TMEM200B: variants seen among roughly 807,000 people sequenced by gnomAD.
The protein encoded by TMEM200B is transmembrane protein TTMA.
Under a neutral mutation model 17.6 loss-of-function variants are expected in TMEM200B, and 12 were observed. The ratio of observed to expected loss-of-function variants is 0.68; its 90% CI spans 0.44 to 1.11. TMEM200B has a LOEUF of 1.11. TMEM200B is among the 50% of genes least tolerant of loss of function. TMEM200B has a pLI of 0.00. For synonymous variants in TMEM200B, 234 were observed against 209.2 expected, an observed-to-expected ratio of 1.12 and a Z score of -1.02; for missense variants, 456 against 447.6, an observed-to-expected ratio of 1.02 and a Z score of -0.17.
In TMEM200B at chr1:29,121,369, C is replaced by A. The variant is rs752060127; in HGVS notation, c.460G>T (p.Ala154Ser). The A allele has an allele frequency of 3.9e-6, 6 of 1,552,048 alleles. No individual in the cohort carries two copies. The Admixed American group carries it at 1.2e-4, about 30-fold the overall frequency. The change falls in exon 2 of 2, where the codon GCC becomes TCC. Residue 154 changes from alanine (A) to serine (S), a missense_variant. Transcript: ENST00000521452. The surrounding 1 kb of genome is among the most constrained non-coding windows in gnomAD (Gnocchi z 5.6). ...CCGTCGGGGGGCCGGAGCGCCTGGG[C>A]CCGCAGCACCCCCTGGCGGAGCCGT... is the stretch of plus-strand genomic sequence containing the variant. ...TRRLRQGVLR[A>S]QALRPPDGPG...
Position 29,121,336 on chromosome 1 carries a change from A to G in TMEM200B, c.493T>C (p.Trp165Arg). 4 of 1,576,392 alleles carry G rather than the reference A, an allele frequency of 2.5e-6. No homozygotes were observed. The highest frequency in any genetic ancestry group is 3.4e-6 in the Non-Finnish European group (4 of 1,162,798). The change falls in exon 2 of 2, where the codon TGG becomes CGG. Residue 165 changes from tryptophan to arginine, a missense_variant. By Grantham distance (101) the Trp-to-Arg change is moderately radical. Transcript: ENST00000521452. This position sits in a 1 kb window ranked among gnomAD's most constrained non-coding sequence, Gnocchi z 5.6. ...GGGCTGGGAAGGAGGGCGCAGTCCCAGCCCGGGCCGTCGGGGGGCCGGAGC... is the reference window on the plus strand; with the variant it reads ...GGGCTGGGAAGGAGGGCGCAGTCCCGGCCCGGGCCGTCGGGGGGCCGGAGC... ...QALRPPDGPG[W>R]DCALLPSPGP... is the part of the protein sequence containing the mutation.
chr1:29,121,517 C>T lies in TMEM200B; in HGVS notation c.312G>A (p.Gly104=). The change falls in exon 2 of 2, where the codon GGG becomes GGA. Residue 104 remains glycine, a synonymous_variant. Transcript: ENST00000521452. This position sits in a 1 kb window ranked among gnomAD's most constrained non-coding sequence, Gnocchi z 5.6. ...GCTCGTGCGGGCCGTGAGCCCGGCC[C>T]CCGCCGCGACCCTCGCGTCGCAGCT... The part of the protein sequence containing the change: ...MSELRREGRG[G]GRAHGPHERL... The T allele has an allele frequency of 6.6e-7, 1 of 1,505,770 alleles. No individual in the cohort carries two copies. The highest frequency in any genetic ancestry group is 8.8e-7 in the Non-Finnish European group (1 of 1,134,294). 93.3% of individuals were successfully genotyped at this position (1,505,770 alleles called of 1,614,324 possible). A position where few individuals can be genotyped will look rare whatever the true frequency, so the allele number is the denominator to read the frequency against.
intron 1 of TMEM200B, chr1:29,122,220 G>A (rs958852768): frequency 6.5e-6 from 1 of 153,214 alleles, no homozygotes; most frequent in African/African-American, 2.4e-5. Context: ...CAGCTGCCGC[G>A]TCTCCAGGGT....
rs1427575814 is a variant in TMEM200B, at chr1:29,121,356, C to T, written c.473G>A (p.Arg158Gln). The stretch of plus-strand genomic sequence containing the variant: ...GTCCCAGCCCGGGCCGTCGGGGGGC[C>T]GGAGCGCCTGGGCCCGCAGCACCCC... ...RQGVLRAQAL[R>Q]PPDGPGWDCA... The change falls in exon 2 of 2, where the codon CGG (arginine) becomes CAG (glutamine). Residue 158 changes from arginine to glutamine, a missense_variant. Transcript: ENST00000521452. The surrounding 1 kb of genome is among the most constrained non-coding windows in gnomAD (Gnocchi z 5.6). 2 of 1,559,118 alleles carry T rather than the reference C, an allele frequency of 1.3e-6. No individual in the cohort carries two copies. Among genetic ancestry groups the T allele is most frequent in the African/African-American group, 2.7e-5 (2 of 73,826 alleles).
At chr1:29,123,737 G>C (rs924859905) in intron 1 of TMEM200B, 119 bp downstream of exon 1, 1 of 149,914 alleles carries the variant, frequency 6.7e-6, no homozygotes, top group Non-Finnish European at 1.5e-5. Flanking sequence ...CTGGGGGAAC[G>C]GGAGGGCCGC....
chr1:29,120,936 C>T lies in TMEM200B; in HGVS notation c.893G>A (p.Gly298Glu), dbSNP rs1671737089. Residue 298 changes from glycine (G) to glutamate (E), a missense_variant, in exon 2 of 2, where the codon GGA (glycine) becomes GAA (glutamate). Physicochemically the swap from Gly to Glu is moderately conservative, Grantham distance 98. Coordinates refer to ENST00000521452, the MANE Select transcript of TMEM200B (RefSeq NM_001003682.4). ...RLSLGGYAKL[G>E]GGGDLGARV ...CCGGGCCCCCAAGTCCCCTCCTCCT[C>T]CCAATTTGGCATAGCCCCCAAGACT... 6.2e-7 allele frequency: 1 copy of T among 1,609,530 alleles called. No individual in the cohort carries two copies. Among genetic ancestry groups the T allele is most frequent in the Admixed American group, 1.7e-5 (1 of 59,702 alleles).
intron 1 of TMEM200B, among the ~76,000 whole-genome samples, chr1:29,122,194 G>A (rs1336444746): frequency 6.6e-6 from 1 of 152,156 alleles, no homozygotes; most frequent in Non-Finnish European, 1.5e-5. Context: ...TTGGGCCTCG[G>A]GAAACGTGCG....
intron 1 of TMEM200B, chr1:29,122,623 C>A (rs1157290869): frequency 3.3e-5 from 5 of 152,338 alleles, no homozygotes; most frequent in East Asian, 1.9e-4. Flanking sequence ...GCGGGGGTGC[C>A]GGTGCCGGGC....
chr1:29,123,446 G>A (rs1414962596), intron 1 of TMEM200B, among the ~76,000 whole-genome samples: 1 of 152,178 alleles, frequency 6.6e-6, no homozygotes, highest in Non-Finnish European at 1.5e-5. Context: ...CCCGCAACCG[G>A]AGGAGCGATC....
At position 29,121,362 on chromosome 1, in the gene TMEM200B, G is replaced by T. The variant is rs1277421851; in HGVS notation, c.467C>A (p.Ala156Glu). The T allele has an allele frequency of 2.6e-6, 4 of 1,554,724 alleles. No individual in the cohort carries two copies. In the South Asian group the frequency reaches 3.5e-5, roughly 14 times the overall value. ...GCCCGGGCCGTCGGGGGGCCGGAGC[G>T]CCTGGGCCCGCAGCACCCCCTGGCG... is the stretch of plus-strand genomic sequence containing the variant. ...RLRQGVLRAQ[A>E]LRPPDGPGWD... is the part of the protein sequence containing the mutation. Residue 156 changes from alanine to glutamate, a missense_variant, in exon 2 of 2, where the codon GCG becomes GAG. Ala to Glu is a moderately radical substitution (Grantham distance 107). Transcript: ENST00000521452. The surrounding 1 kb of genome is among the most constrained non-coding windows in gnomAD (Gnocchi z 5.6).
rs761643207 is a variant in TMEM200B, at chr1:29,121,571, G to A, written c.258C>T (p.Ala86=). 60 of 1,495,406 alleles carry A rather than the reference G, an allele frequency of 4.0e-5. No homozygotes were observed. The highest frequency in any genetic ancestry group is 8.0e-6 in the Non-Finnish European group (9 of 1,131,888). The allele number at this position is 1,495,406 out of a possible 1,614,324, so 92.6% of individuals were successfully genotyped here. A position where few individuals can be genotyped will look rare whatever the true frequency, so the allele number is the denominator to read the frequency against. The change falls in exon 2 of 2, where the codon GCC becomes GCT. Residue 86 remains alanine (A), a synonymous_variant. Transcript: ENST00000521452. The surrounding 1 kb of genome is among the most constrained non-coding windows in gnomAD (Gnocchi z 5.6). ...TCATCTGGGGCGAGCTGGCATTGGCGGCCCGGGACCCTGGGGCCCCGGCCC... is the reference window on the plus strand; with the variant it reads ...TCATCTGGGGCGAGCTGGCATTGGCAGCCCGGGACCCTGGGGCCCCGGCCC... The part of the protein sequence containing the change: ...PHRAGAPGSR[A]ANASSPQMSE...
intron 1 of TMEM200B, chr1:29,122,416 C>T (rs1051916381): frequency 9.2e-5 from 14 of 152,642 alleles, no homozygotes; most frequent in African/African-American, 2.7e-4. Flanking sequence ...CTGCCCGCCC[C>T]CTCCTTCCAG....
chr1:29,121,071 G>T lies in TMEM200B; in HGVS notation c.758C>A (p.Ser253Tyr). 1 of 1,613,834 alleles carries T rather than the reference G, an allele frequency of 6.2e-7. No homozygotes were observed. Among genetic ancestry groups the T allele is most frequent in the Non-Finnish European group, 8.5e-7 (1 of 1,180,038 alleles). ...HVIITVQPSGSCIEHSKSLDL... is the reference protein window; with the variant it reads ...HVIITVQPSGYCIEHSKSLDL... ...CAGAGACTTGGAATGTTCAATGCAGGAGCCAGACGGCTGCACGGTGATGAT... is the reference window on the plus strand; with the variant it reads ...CAGAGACTTGGAATGTTCAATGCAGTAGCCAGACGGCTGCACGGTGATGAT... Residue 253 changes from serine (S) to tyrosine (Y), a missense_variant, in exon 2 of 2, where the codon TCC (serine) becomes TAC (tyrosine). Ser to Tyr is a moderately radical substitution (Grantham distance 144). Transcript: ENST00000521452. This position sits in a 1 kb window ranked among gnomAD's most constrained non-coding sequence, Gnocchi z 5.6.
Position 29,119,967 on chromosome 1 carries a change from G to A in TMEM200B, c.*938C>T, listed in dbSNP as rs994910184. The A allele has an allele frequency of 1.3e-5, 2 of 152,592 alleles. No homozygotes were observed. The highest frequency in any genetic ancestry group is 2.9e-5 in the Non-Finnish European group (2 of 68,036). The allele number at this position is 152,592 out of a possible 1,614,324, so 9.5% of individuals were successfully genotyped here. A position where few individuals can be genotyped will look rare whatever the true frequency, so the allele number is the denominator to read the frequency against. On this transcript the variant is annotated 3_prime_UTR_variant, in exon 2 of 2. Transcript: ENST00000521452. ...TGTTTTGGCCTTTCGTAGTAGAAGT[G>A]GTTGTAGTGTTTAGATATCTGTTTG...
At position 29,121,769 on chromosome 1, in the gene TMEM200B, G is replaced by A; in HGVS notation, c.60C>T (p.Val20=). ...GGCCCAGGCGGCGGCCCAAGCGAGA[G>A]ACGCGGCCCTCGGGGCTCCTCCGCA... The part of the protein sequence containing the change: ...GEVRRSPEGR[V]SRLGRRLGRR... Residue 20 remains valine (V), a synonymous_variant, in exon 2 of 2, where the codon GTC becomes GTT. Transcript: ENST00000521452. The surrounding 1 kb of genome is among the most constrained non-coding windows in gnomAD (Gnocchi z 5.6). 3.2e-6 allele frequency: 4 copies of A among 1,237,260 alleles called. No individual in the cohort carries two copies. The highest frequency in any genetic ancestry group is 4.0e-6 in the Non-Finnish European group (4 of 990,270). The allele number at this position is 1,237,260 out of a possible 1,614,324, so 76.6% of individuals were successfully genotyped here. A position where few individuals can be genotyped will look rare whatever the true frequency, so the allele number is the denominator to read the frequency against.
In TMEM200B at chr1:29,119,946, T is replaced by C. The variant is rs1189063325; in HGVS notation, c.*959A>G. 1.3e-5 allele frequency: 2 copies of C among 152,692 alleles called. No individual in the cohort carries two copies. The highest frequency in any genetic ancestry group is 4.8e-5 in the African/African-American group (2 of 41,468). 9.5% of individuals were successfully genotyped at this position (152,692 alleles called of 1,614,324 possible). A position where few individuals can be genotyped will look rare whatever the true frequency, so the allele number is the denominator to read the frequency against. On this transcript the variant is annotated 3_prime_UTR_variant, in exon 2 of 2. Coordinates refer to ENST00000521452, the MANE Select transcript of TMEM200B (RefSeq NM_001003682.4). ...ACAGGCAATAATCAAGTCTGCTGTT[T>C]TGGCCTTTCGTAGTAGAAGTGGTTG...
rs1671610286 is a variant in TMEM200B at position 29,119,829 on chromosome 1, A to T, written c.*1076T>A. On this transcript the variant is annotated 3_prime_UTR_variant, in exon 2 of 2. Transcript: ENST00000521452. ...TGAAGGAGCTTTGTAAATTTTTTTT[A>T]AAATTATGAATCATATCAAGTAGTT... The T allele has an allele frequency of 6.6e-6, 1 of 152,582 alleles. No homozygotes were observed. The highest frequency in any genetic ancestry group is 2.4e-5 in the African/African-American group (1 of 41,434). The allele number at this position is 152,582 out of a possible 1,614,324, so 9.5% of individuals were successfully genotyped here. A position where few individuals can be genotyped will look rare whatever the true frequency, so the allele number is the denominator to read the frequency against.
rs777036876 is a variant in TMEM200B, at chr1:29,121,313, G to A, written c.516C>T (p.Ser172=). ...GPGWDCALLP[S]PGPRSPRAVG... is the part of the protein sequence containing the mutation. ...CGGCTCGGGGACTCCTAGGGCCGGG[G>A]CTGGGAAGGAGGGCGCAGTCCCAGC... Residue 172 remains serine, a synonymous_variant, in exon 2 of 2, where the codon AGC becomes AGT. Transcript: ENST00000521452. This position sits in a 1 kb window ranked among gnomAD's most constrained non-coding sequence, Gnocchi z 5.6. The A allele has an allele frequency of 2.5e-6, 4 of 1,597,682 alleles. No individual in the cohort carries two copies. Among genetic ancestry groups the A allele is most frequent in the Non-Finnish European group, 3.4e-6 (4 of 1,173,594 alleles).
chr1:29,121,335 C>A lies in TMEM200B; in HGVS notation c.494G>T (p.Trp165Leu), dbSNP rs1242438017. The change falls in exon 2 of 2, where the codon TGG (tryptophan) becomes TTG (leucine). Residue 165 changes from tryptophan to leucine, a missense_variant. Physicochemically the swap from Trp to Leu is moderately conservative, Grantham distance 61. Coordinates refer to ENST00000521452, the MANE Select transcript of TMEM200B (RefSeq NM_001003682.4). This position sits in a 1 kb window ranked among gnomAD's most constrained non-coding sequence, Gnocchi z 5.6. ...GGGGCTGGGAAGGAGGGCGCAGTCC[C>A]AGCCCGGGCCGTCGGGGGGCCGGAG... is the stretch of plus-strand genomic sequence containing the variant. ...QALRPPDGPGWDCALLPSPGP... is the reference protein window; with the variant it reads ...QALRPPDGPGLDCALLPSPGP... 1.3e-6 allele frequency: 2 copies of A among 1,576,154 alleles called. No individual in the cohort carries two copies. Among genetic ancestry groups the A allele is most frequent in the Non-Finnish European group, 1.7e-6 (2 of 1,162,742 alleles).
Sources: gnomAD v4.1 joint callset for allele counts (sites outside exome capture counted in the v4.1 genomes callset) on GRCh38, gnomAD v4.1.1 for gene constraint, Gnocchi (gnomAD v3.1) non-coding constraint, MANE v1.5 for transcripts, NCBI Gene and HGNC (gene_info 2026-07-23, HGNC 2026-07-21) for gene names.